LIMS1: variants seen among roughly 807,000 people sequenced by gnomAD.
LIMS1 encodes the protein LIM zinc finger domain containing 1, also known as LIM and senescent cell antigen-like-containing domain protein 1.
Under a neutral mutation model 44.1 loss-of-function variants are expected in LIMS1, and 18 were observed. The ratio of observed to expected loss-of-function variants is 0.41; its 90% CI spans 0.28 to 0.61. The LOEUF (loss-of-function observed/expected upper bound fraction) is 0.61. Among genes scored for constraint, LIMS1 ranks in the 20% least tolerant of loss-of-function variants. LIMS1 has a pLI of 0.32. For missense variants in LIMS1, 201 were observed against 422.0 expected, an observed-to-expected ratio of 0.48 and a Z score of 4.59; for synonymous variants, 93 against 149.1, an observed-to-expected ratio of 0.62 and a Z score of 2.74.
chr2:108,661,356 A>G (rs1048865329), intron 2 of LIMS1, among the ~76,000 whole-genome samples: 1 of 139,848 alleles, frequency 7.2e-6, no homozygotes, highest in African/African-American at 2.7e-5. Flanking sequence ...TTTTAACTTT[A>G]TTTCTTTAGG....
exon 10 of LIMS1, chr2:108,685,183 A>ATCT (rs1693235605): frequency 6.6e-6 from 1 of 152,114 alleles, no homozygotes; most frequent in Admixed American, 6.5e-5. Context: ...AATTAATTTG[A>ATCT]TTTATTTACT....
intron 1 of LIMS1, among the ~76,000 whole-genome samples, chr2:108,557,691 A>G (rs1684973447): frequency 6.6e-6 from 1 of 151,180 alleles, no homozygotes; most frequent in African/African-American, 2.4e-5. Flanking sequence ...TAATTTTTGT[A>G]TTTTGATAGA....
At chr2:108,624,806 C>T (rs531866849) in intron 1 of LIMS1, among the ~76,000 whole-genome samples, 3 of 151,894 alleles carry the variant, frequency 2.0e-5, no homozygotes, top group South Asian at 2.1e-4. Flanking sequence ...AGGCCGGGTG[C>T]GGTGGCTCAC....
At chr2:108,581,185 A>T (rs1173888506) in intron 1 of LIMS1, among the ~76,000 whole-genome samples, 1 of 152,198 alleles carries the variant, frequency 6.6e-6, no homozygotes, top group African/African-American at 2.4e-5. Flanking sequence ...GTTAGGCCTT[A>T]TATGTTACCT....
chr2:108,635,157 G>A (rs548087853), intron 1 of LIMS1, among the ~76,000 whole-genome samples: 5 of 152,264 alleles, frequency 3.3e-5, no homozygotes, highest in South Asian at 2.1e-4. Context: ...GTGGCTGGGC[G>A]CGGTGACTCA....
rs35679577 is a variant in LIMS1, at chr2:108,585,150, CA to C, written c.32+50577del. On this transcript the variant is annotated intron_variant, in intron 1 of 9. Coordinates refer to ENST00000544547, the Ensembl canonical transcript of LIMS1. ...TGGGCAACAGAGCATGACTCCGTCT[CA>C]AAAAAAAAAAAAAAAAAAAAGGCGG... Among the ~76,000 whole-genome samples the C allele has an allele frequency of 2.2e-3, 155 of 69,354 alleles. 1 individual carries two copies. Among genetic ancestry groups the C allele is most frequent in the African/African-American group, 5.2e-3 (88 of 16,984 alleles). 45.5% of individuals were successfully genotyped at this position (69,354 alleles called of 152,430 possible).
intron 1 of LIMS1, among the ~76,000 whole-genome samples, chr2:108,574,412 CT>C (rs557828511): frequency 6.6e-6 from 1 of 152,158 alleles, no homozygotes; most frequent in African/African-American, 2.4e-5. Context: ...TTTGCTGGGG[CT>C]TTTTTCTCAT....
chr2:108,674,040 A>G (rs1350382035), intron 5 of LIMS1: 1 of 152,184 alleles, frequency 6.6e-6, no homozygotes, highest in African/African-American at 2.4e-5. Context: ...GTGGATAAAG[A>G]TTCTTGGCCG....
chr2:108,564,266 C>A (rs1009928631), intron 1 of LIMS1, among the ~76,000 whole-genome samples: 1 of 152,122 alleles, frequency 6.6e-6, no homozygotes, highest in Non-Finnish European at 1.5e-5. Flanking sequence ...ATCTGTACTT[C>A]TTTTTAGACA....
intron 1 of LIMS1, among the ~76,000 whole-genome samples, chr2:108,542,452 A>G (rs1684344932): frequency 6.6e-6 from 1 of 152,242 alleles, no homozygotes; most frequent in Admixed American, 6.5e-5. Context: ...CAAGAGGTTA[A>G]GAACTCACCA....
At chr2:108,577,980 G>T (rs1386400201) in intron 1 of LIMS1, among the ~76,000 whole-genome samples, 2 of 152,192 alleles carry the variant, frequency 1.3e-5, no homozygotes, top group Non-Finnish European at 2.9e-5. Context: ...CACAGTCTCG[G>T]CTCACTGCAA....
At chr2:108,636,610 TCC>T (rs968221897) in intron 1 of LIMS1, among the ~76,000 whole-genome samples, 6 of 152,200 alleles carry the variant, frequency 3.9e-5, no homozygotes, top group African/African-American at 1.4e-4. Context: ...CCTAGCAATA[TCC>T]CAGTGATGCC....
chr2:108,645,820 C>CA (rs57714697), intron 1 of LIMS1, among the ~76,000 whole-genome samples: 3,234 of 103,574 alleles, frequency 0.031, 94 homozygotes, highest in African/African-American at 0.088. Flanking sequence ...AAATGGAAAG[C>CA]AAAAAAAAAA....
intron 1 of LIMS1, among the ~76,000 whole-genome samples, chr2:108,591,881 G>C (rs746045913): frequency 8.2e-5 from 12 of 145,552 alleles, no homozygotes; most frequent in Non-Finnish European, 1.6e-4. Context: ...TGCAACCTCC[G>C]CCTCCCAGGT....
chr2:108,597,003 G>A (rs1482509428), intron 1 of LIMS1, among the ~76,000 whole-genome samples: 1 of 144,512 alleles, frequency 6.9e-6, no homozygotes, highest in Admixed American at 7.2e-5. Flanking sequence ...CTGCCTCCTG[G>A]GTTCAAACGA....
In LIMS1 at chr2:108,679,967, A is replaced by C. The variant is rs553394088; in HGVS notation, c.824-728A>C. ...TGGCTGGGCATGGTGGCTCATGCCT[A>C]TAATCTCAGCATTTTGGGAGACCGA... is the stretch of plus-strand genomic sequence containing the variant. On this transcript the variant is annotated intron_variant, in intron 8 of 9. Transcript: ENST00000544547. 2.6e-5 allele frequency among the ~76,000 whole-genome samples: 4 copies of C among 151,850 alleles called. No homozygotes were observed. In the East Asian group the frequency reaches 7.8e-4, roughly 29 times the overall value.
chr2:108,550,983 G>C (rs1397834656), intron 1 of LIMS1, among the ~76,000 whole-genome samples: 4 of 152,024 alleles, frequency 2.6e-5, no homozygotes, highest in South Asian at 2.1e-4. Flanking sequence ...TTCTAATTCA[G>C]CTGGGCGTGG....
intron 1 of LIMS1, among the ~76,000 whole-genome samples, chr2:108,596,047 G>A (rs1346803214): frequency 6.6e-6 from 1 of 152,176 alleles, no homozygotes; most frequent in Non-Finnish European, 1.5e-5. Context: ...TTGCAGAAGT[G>A]ACTTAAAGCT....
chr2:108,552,827 C>T lies in LIMS1; in HGVS notation c.32+18233C>T, dbSNP rs571907814. Reference sequence around the variant, plus strand: ...TCCTGGCCTCAAGCAATCCTTTCAGCTTGGCCTCCCAAAGTGCTGGAATTA... The same window carrying T: ...TCCTGGCCTCAAGCAATCCTTTCAGTTTGGCCTCCCAAAGTGCTGGAATTA... On this transcript the variant is annotated intron_variant, in intron 1 of 9. Transcript: ENST00000544547. 3.3e-5 allele frequency among the ~76,000 whole-genome samples: 5 copies of T among 152,182 alleles called. No individual in the cohort carries two copies. The South Asian group carries it at 1.0e-3, about 32-fold the overall frequency.
Sources: gnomAD v4.1 joint callset for allele counts (sites outside exome capture counted in the v4.1 genomes callset) on GRCh38, gnomAD v4.1.1 for gene constraint, MANE v1.5 for transcripts, NCBI Gene and HGNC (gene_info 2026-07-23, HGNC 2026-07-21) for gene names.